Variants in IRX1 observed in about 807,000 individuals in gnomAD.
The protein encoded by IRX1 is iroquois-class homeodomain protein IRX-1.
A neutral mutation model predicts 34.1 loss-of-function variants in IRX1; 22 were observed. That is an observed-to-expected ratio of 0.64 (90% CI 0.46 to 0.92). The LOEUF is 0.92. Ranked by LOEUF, IRX1 falls within the 40% of genes least tolerant of loss-of-function variation. The pLI, the probability that IRX1 is intolerant of heterozygous loss-of-function variation, is 0.00. For missense variants in IRX1, 758 were observed against 680.0 expected (o/e 1.11, Z -1.28); for synonymous variants, 363 against 319.0 (o/e 1.14, Z -1.47).
intron 1 of IRX1, among the ~76,000 whole-genome samples, chr5:3,598,423 G>A (rs1733849165): frequency 6.6e-6 from 1 of 152,118 alleles, no homozygotes; most frequent in Non-Finnish European, 1.5e-5. Flanking sequence ...TAACTGAGAA[G>A]AGGCCTAGGA....
chr5:3,599,612 G>A lies in IRX1; in HGVS notation c.664G>A (p.Glu222Lys), dbSNP rs1224202179. The change falls in exon 2 of 4, where the codon GAG becomes AAG. Residue 222 changes from glutamate to lysine, a missense_variant. Coordinates refer to ENST00000302006, the MANE Select transcript of IRX1 (RefSeq NM_024337.4). The surrounding 1 kb of genome is among the most constrained non-coding windows in gnomAD (Gnocchi z 6.6). ...CCCGGAGAAGGCCGAGGACGACGAG[G>A]AGATCGACCTGGAAAGCATCGACAT... Reference protein sequence around the residue: ...GDPEKAEDDEEIDLESIDIDK... With the variant: ...GDPEKAEDDEKIDLESIDIDK... 6.2e-7 allele frequency: 1 copy of A among 1,613,906 alleles called. No homozygotes were observed. The highest frequency in any genetic ancestry group is 2.2e-5 in the East Asian group (1 of 44,858).
At chr5:3,598,405 A>G (rs1160495119) in intron 1 of IRX1, among the ~76,000 whole-genome samples, 1 of 152,160 alleles carries the variant, frequency 6.6e-6, no homozygotes, top group East Asian at 1.9e-4. Context: ...CAAACTTAAG[A>G]GATGAAGTAA....
chr5:3,597,300 G>A (rs538187048), intron 1 of IRX1, among the ~76,000 whole-genome samples: 39 of 152,320 alleles, frequency 2.6e-4, no homozygotes, highest in Admixed American at 2.4e-3. Flanking sequence ...CTGCAAGGTC[G>A]GTGCTTAAAC....
In IRX1 at chr5:3,599,488, C is replaced by T; in HGVS notation, c.540C>T (p.Asn180=). 6.2e-7 allele frequency: 1 copy of T among 1,614,144 alleles called. No homozygotes were observed. Among genetic ancestry groups the T allele is most frequent in the Non-Finnish European group, 8.5e-7 (1 of 1,180,038 alleles). ...TLTQVSTWFA[N]ARRRLKKENK... is the part of the protein sequence containing the mutation. Reference sequence around the variant, plus strand: ...CGCAGGTCTCCACCTGGTTCGCCAACGCGCGCCGGCGCCTCAAGAAGGAGA... The same window carrying T: ...CGCAGGTCTCCACCTGGTTCGCCAATGCGCGCCGGCGCCTCAAGAAGGAGA... Residue 180 remains asparagine, a synonymous_variant, in exon 2 of 4, where the codon AAC becomes AAT. Transcript: ENST00000302006. This position sits in a 1 kb window ranked among gnomAD's most constrained non-coding sequence, Gnocchi z 6.6.
At position 3,599,809 on chromosome 5, in the gene IRX1, G is replaced by T. The variant is rs1257398762; in HGVS notation, c.861G>T (p.Glu287Asp). The T allele has an allele frequency of 6.9e-6, 11 of 1,587,872 alleles. No homozygotes were observed. The highest frequency in any genetic ancestry group is 2.7e-5 in the African/African-American group (2 of 74,416). ...ACTCGCCCTTGGGCCTGGCAAAGGA[G>T]GCCCCAGAGCCGGGCAGCACGCGCC... ...PQDSPLGLAKEAPEPGSTRLL... is the reference protein window; with the variant it reads ...PQDSPLGLAKDAPEPGSTRLL... Residue 287 changes from glutamate (E) to aspartate (D), a missense_variant, in exon 2 of 4, where the codon GAG becomes GAT. This residue lies in a region of IRX1 where 529 missense variants were observed against 418.8 expected (regional missense o/e 1.26). Transcript: ENST00000302006. This position sits in a 1 kb window ranked among gnomAD's most constrained non-coding sequence, Gnocchi z 6.6.
rs751623946 is a variant in IRX1 at position 3,596,093 on chromosome 5, C to G, written c.-13C>G. The stretch of plus-strand genomic sequence containing the variant: ...AATACTCGCCCGCTGCGGCGGTCGC[C>G]GAGTCCGCGGACATGTCCTTCCCGC... On this transcript the variant is annotated 5_prime_UTR_variant, in exon 1 of 4. Coordinates refer to ENST00000302006, the MANE Select transcript of IRX1 (RefSeq NM_024337.4). 68 of 1,061,352 alleles carry G rather than the reference C, an allele frequency of 6.4e-5. No individual in the cohort carries two copies. The highest frequency in any genetic ancestry group is 7.5e-5 in the Non-Finnish European group (66 of 878,872). 65.7% of individuals were successfully genotyped at this position (1,061,352 alleles called of 1,614,324 possible).
chr5:3,598,042 T>TA (rs1043650197), intron 1 of IRX1, among the ~76,000 whole-genome samples: 3 of 152,110 alleles, frequency 2.0e-5, no homozygotes, highest in African/African-American at 7.2e-5. Context: ...GGATAATATG[T>TA]AAAAATTATT....
rs185338300 is a variant in IRX1, at chr5:3,596,694, G to A, written c.276+313G>A. ...AGCGGTGCCCGCGCTGGAGGTCGGG[G>A]GCAAACTCGCCTGGCTCGGCCAGGG... On this transcript the variant is annotated intron_variant, in intron 1 of 3. Transcript: ENST00000302006. Among the ~76,000 whole-genome samples, 33 of 152,232 alleles carry A rather than the reference G, an allele frequency of 2.2e-4. No individual in the cohort carries two copies. In the East Asian group the frequency reaches 4.7e-3, roughly 22 times the overall value.
At chr5:3,598,525 A>C (rs1733857849) in intron 1 of IRX1, among the ~76,000 whole-genome samples, 1 of 152,210 alleles carries the variant, frequency 6.6e-6, no homozygotes, top group Non-Finnish European at 1.5e-5. Context: ...TTAAAAAAAA[A>C]AATGGTGTTT....
intron 3 of IRX1, 114 bp from the exon 4 acceptor site, chr5:3,600,869 C>A: frequency 8.0e-7 from 1 of 1,250,336 alleles, no homozygotes; most frequent in Non-Finnish European, 1.2e-6. Context: ...CCGGGAGCCG[C>A]GCTGGCTGTC....
chr5:3,599,680 T>C lies in IRX1; in HGVS notation c.732T>C (p.Asp244=), dbSNP rs1323607407. Residue 244 remains aspartate (D), a synonymous_variant, in exon 2 of 4, where the codon GAT becomes GAC. Transcript: ENST00000302006. The surrounding 1 kb of genome is among the most constrained non-coding windows in gnomAD (Gnocchi z 6.6). Reference sequence around the variant, plus strand: ...ACGATGGCGACCAGAGCAACGAGGATGACGAGGACAAGGCCGAGGCTCCGC... The same window carrying C: ...ACGATGGCGACCAGAGCAACGAGGACGACGAGGACAAGGCCGAGGCTCCGC... ...DEHDGDQSNE[D]DEDKAEAPHA... is the part of the protein sequence containing the mutation. 5 of 1,613,272 alleles carry C rather than the reference T, an allele frequency of 3.1e-6. No homozygotes were observed. The African/African-American group carries it at 5.3e-5, about 17-fold the overall frequency.
intron 1 of IRX1, among the ~76,000 whole-genome samples, chr5:3,598,314 T>TA (rs561040691): frequency 2.2e-4 from 33 of 152,300 alleles, no homozygotes; most frequent in Admixed American, 1.0e-3. Flanking sequence ...CTACTGATTA[T>TA]AAAAAGAATA....
intron 2 of IRX1, 24 bp from the exon 3 acceptor site, chr5:3,600,583 ACT>A (rs780298834): frequency 3.6e-5 from 57 of 1,601,346 alleles, no homozygotes; most frequent in Non-Finnish European, 4.8e-5. Context: ...CTCCGTCCTA[ACT>A]CTGCCTCTTC....
In IRX1 at chr5:3,599,934, C is replaced by G; in HGVS notation, c.986C>G (p.Ala329Gly). The G allele has an allele frequency of 1.3e-6, 2 of 1,485,146 alleles. No homozygotes were observed. The highest frequency in any genetic ancestry group is 1.8e-6 in the Non-Finnish European group (2 of 1,115,468). 92.0% of individuals were successfully genotyped at this position (1,485,146 alleles called of 1,614,324 possible). A position where few individuals can be genotyped will look rare whatever the true frequency, so the allele number is the denominator to read the frequency against. The change falls in exon 2 of 4, where the codon GCG becomes GGG. Residue 329 changes from alanine (A) to glycine (G), a missense_variant. By Grantham distance (60) the Ala-to-Gly change is moderately conservative (BLOSUM62 0). Transcript: ENST00000302006. The surrounding 1 kb of genome is among the most constrained non-coding windows in gnomAD (Gnocchi z 6.6). ...LAETATSPDG[A>G]PKASPPPPAG... ...GAGACAGCCACGAGCCCCGACGGTG[C>G]GCCCAAGGCTTCGCCACCACCACCC...
rs1291945996 is a variant in IRX1 at position 3,596,230 on chromosome 5, G to T, written c.125G>T (p.Arg42Leu). 3 of 1,140,134 alleles carry T rather than the reference G, an allele frequency of 2.6e-6. No individual in the cohort carries two copies. In the South Asian group the frequency reaches 1.3e-4, roughly 49 times the overall value. 70.6% of individuals were successfully genotyped at this position (1,140,134 alleles called of 1,614,324 possible). A position where few individuals can be genotyped will look rare whatever the true frequency, so the allele number is the denominator to read the frequency against. The change falls in exon 1 of 4, where the codon CGA becomes CTA. Residue 42 changes from arginine (R) to leucine (L), a missense_variant. Physicochemically the swap from Arg to Leu is moderately radical, Grantham distance 102. Coordinates refer to ENST00000302006, the MANE Select transcript of IRX1 (RefSeq NM_024337.4). ...GCGGCTGCCGCCGCCTCGTCGGGCC[G>T]ACCGGGGGCCGCGGAGCTGGGCGGC... ...AAAAAAASSG[R>L]PGAAELGGGA... is the part of the protein sequence containing the mutation.
Position 3,600,622 on chromosome 5 carries a change from C to T in IRX1, c.1326C>T (p.Val442=), listed in dbSNP as rs1387147568. Residue 442 remains valine, a synonymous_variant, in exon 3 of 4, where the codon GTC becomes GTT. Transcript: ENST00000302006. The stretch of plus-strand genomic sequence containing the variant: ...GATCTCTCGCAGAGAGAGACCTCGT[C>T]CCCAGGCCAGATTCGCCGGCACAGC... ...SSPTLPERDL[V]PRPDSPAQQL... 6.2e-7 allele frequency: 1 copy of T among 1,613,570 alleles called. No individual in the cohort carries two copies. Among genetic ancestry groups the T allele is most frequent in the African/African-American group, 1.3e-5 (1 of 74,918 alleles).
At chr5:3,597,350 T>C (rs1463437437) in intron 1 of IRX1, among the ~76,000 whole-genome samples, 1 of 152,112 alleles carries the variant, frequency 6.6e-6, no homozygotes, top group Non-Finnish European at 1.5e-5. Context: ...CGCGGGGCCC[T>C]GGGAGGCAGC....
In IRX1 at chr5:3,596,028, A is replaced by G; in HGVS notation, c.-78A>G. 1.1e-6 allele frequency: 1 copy of G among 941,636 alleles called. No homozygotes were observed. The highest frequency in any genetic ancestry group is 1.0e-4 in the East Asian group (1 of 9,782). 58.3% of individuals were successfully genotyped at this position (941,636 alleles called of 1,614,324 possible). ...TAGACCCCTCGCGGCGCCCCCTGCA[A>G]CCCCCTCCGGCCGGCCTCCGCCTCC... On this transcript the variant is annotated 5_prime_UTR_variant, in exon 1 of 4. Coordinates refer to ENST00000302006, the MANE Select transcript of IRX1 (RefSeq NM_024337.4).
At chr5:3,597,347 C>T (rs979613221) in intron 1 of IRX1, among the ~76,000 whole-genome samples, 1 of 152,104 alleles carries the variant, frequency 6.6e-6, no homozygotes, top group African/African-American at 2.4e-5. Flanking sequence ...GGGCGCGGGG[C>T]CCTGGGAGGC....
Sources: allele counts gnomAD v4.1 joint callset (sites outside exome capture counted in the v4.1 genomes callset), GRCh38; gene constraint gnomAD v4.1.1; regional missense constraint gnomAD v4.1.1; non-coding constraint Gnocchi (gnomAD v3.1); transcripts MANE v1.5; gene names NCBI Gene and HGNC (gene_info 2026-07-23, HGNC 2026-07-21).